The following MRAP2 variants were observed in gnomAD, a reference collection of about 807,000 sequenced individuals.
MRAP2 encodes melanocortin 2 receptor accessory protein 2.
In MRAP2, 20 loss-of-function variants were observed where a neutral mutation model predicts 17.4. The ratio of observed to expected loss-of-function variants is 1.15; its 90% confidence interval spans 0.81 to 1.67. The LOEUF (loss-of-function observed/expected upper bound fraction) is 1.67. MRAP2 is among the 40% of genes most tolerant of loss of function. The pLI, the probability that MRAP2 is intolerant of heterozygous loss-of-function variation, is 0.00. For synonymous variants in MRAP2, 96 were observed against 88.4 expected (o/e 1.09, Z -0.48); for missense variants, 238 against 240.0 (o/e 0.99, Z 0.05).
intron 3 of MRAP2, among the ~76,000 whole-genome samples, chr6:84,076,017 T>A (rs1425908461): frequency 6.6e-6 from 1 of 151,994 alleles, no homozygotes; most frequent in Non-Finnish European, 1.5e-5. Context: ...GGGTAGAAAA[T>A]CTATTTTATG....
Position 84,083,088 on chromosome 6 carries a change from G to A in MRAP2, c.228-6003G>A, listed in dbSNP as rs148134593. On this transcript the variant is annotated intron_variant, in intron 3 of 3. Coordinates refer to ENST00000257776, the MANE Select transcript of MRAP2 (RefSeq NM_138409.4). ...AAAAGAGTACAGAGACAGGACTTGCGTCAGAAATAAAGGCTTTCATGCCCC... is the reference window on the plus strand; with the variant it reads ...AAAAGAGTACAGAGACAGGACTTGCATCAGAAATAAAGGCTTTCATGCCCC... 2.6e-4 allele frequency among the ~76,000 whole-genome samples: 39 copies of A among 152,182 alleles called. No individual in the cohort carries two copies. The Middle Eastern group carries it at 0.01, about 40-fold the overall frequency.
intron 3 of MRAP2, among the ~76,000 whole-genome samples, chr6:84,075,325 C>T (rs936612867): frequency 6.6e-6 from 1 of 152,132 alleles, no homozygotes; most frequent in African/African-American, 2.4e-5. Flanking sequence ...TTGGTGAGCA[C>T]TGAGAAGGTA....
intron 1 of MRAP2, among the ~76,000 whole-genome samples, chr6:84,048,556 G>A (rs2099489610): frequency 6.6e-6 from 1 of 152,178 alleles, no homozygotes; most frequent in African/African-American, 2.4e-5. Context: ...TAGAAAAGGC[G>A]AGAGTTAAGC....
the MRAP2 span, among the ~76,000 whole-genome samples, chr6:84,098,120 T>C: frequency 6.6e-6 from 1 of 151,690 alleles, no homozygotes. Flanking sequence ...CTCCCTCCCA[T>C]CCCTTTCTCT....
chr6:84,054,946 G>T (rs2099491323), intron 1 of MRAP2, among the ~76,000 whole-genome samples: 1 of 152,180 alleles, frequency 6.6e-6, no homozygotes, highest in Non-Finnish European at 1.5e-5. Context: ...ACATACTCTT[G>T]CAGGTATAGG....
chr6:84,076,945 G>A (rs915504101), intron 3 of MRAP2, among the ~76,000 whole-genome samples: 9 of 152,300 alleles, frequency 5.9e-5, no homozygotes, highest in African/African-American at 2.2e-4. Context: ...CACAGAGGTA[G>A]GAGCACTTCA....
At chr6:84,071,322 CT>C (rs1383555228) in intron 3 of MRAP2, among the ~76,000 whole-genome samples, 1 of 152,076 alleles carries the variant, frequency 6.6e-6, no homozygotes, top group African/African-American at 2.4e-5. Flanking sequence ...AAGACTGTAT[CT>C]TTCCTTCATA....
the MRAP2 span, among the ~76,000 whole-genome samples, chr6:84,115,642 C>T: frequency 1.3e-5 from 2 of 152,154 alleles, no homozygotes; most frequent in Non-Finnish European, 2.9e-5. Context: ...AACACTCCTG[C>T]AGCTAGCTCA....
upstream of MRAP2, among the ~76,000 whole-genome samples, chr6:84,033,497 C>T (rs946343208): frequency 1.3e-5 from 2 of 152,228 alleles, no homozygotes; most frequent in African/African-American, 4.8e-5. Context: ...ATGAGCTCCT[C>T]CTGTTACCCA....
chr6:84,062,081 A>G, intron 2 of MRAP2: 1 of 985,466 alleles, frequency 1.0e-6, no homozygotes, highest in South Asian at 4.7e-5. Context: ...GAGAATGCAA[A>G]GTTGCTACCT....
At chr6:84,082,169 A>G (rs750478726) in intron 3 of MRAP2, among the ~76,000 whole-genome samples, 17 of 152,178 alleles carry the variant, frequency 1.1e-4, no homozygotes, top group East Asian at 3.8e-4. Flanking sequence ...TAGTAATTCT[A>G]TGGTAGAGAG....
chr6:84,075,135 G>A (rs2099497245), intron 3 of MRAP2, among the ~76,000 whole-genome samples: 1 of 152,152 alleles, frequency 6.6e-6, no homozygotes, highest in Non-Finnish European at 1.5e-5. Flanking sequence ...GGCCTCCTAG[G>A]TTGCTATGAC....
chr6:84,080,825 G>T (rs2497139), intron 3 of MRAP2, among the ~76,000 whole-genome samples: 14,271 of 152,162 alleles, frequency 0.094, 965 homozygotes, highest in African/African-American at 0.19. Flanking sequence ...ATGAACCTGG[G>T]CTTAAAGGCA....
chr6:84,033,735 G>C (rs1437596766), upstream of MRAP2: 1 of 985,256 alleles, frequency 1.0e-6, no homozygotes, highest in African/African-American at 1.7e-5. Context: ...TGCGGGTCGG[G>C]AGCGCGCGTC....
At chr6:84,033,760 G>A, upstream of MRAP2, 1 of 986,148 alleles carries the variant, frequency 1.0e-6, no homozygotes. Context: ...CCGCACCTCG[G>A]ATCTAGGAGC....
intron 1 of MRAP2, among the ~76,000 whole-genome samples, chr6:84,040,098 G>T (rs560354196): frequency 6.6e-6 from 1 of 152,264 alleles, no homozygotes; most frequent in Admixed American, 6.5e-5. Context: ...TCGTGGGAGG[G>T]ACCCACTGGG....
intron 1 of MRAP2, among the ~76,000 whole-genome samples, chr6:84,036,328 G>C (rs1446687829): frequency 6.6e-6 from 1 of 152,168 alleles, no homozygotes; most frequent in Non-Finnish European, 1.5e-5. Context: ...AGGCCTTGTT[G>C]AATAGATTTA....
intron 1 of MRAP2, among the ~76,000 whole-genome samples, chr6:84,041,420 T>G (rs2099487538): frequency 2.0e-5 from 3 of 152,242 alleles, no homozygotes; most frequent in Admixed American, 2.0e-4. Context: ...AGTGGGGCAC[T>G]GCCTAGTGGA....
the MRAP2 span, among the ~76,000 whole-genome samples, chr6:84,121,078 T>A: frequency 9.3e-3 from 994 of 106,734 alleles, 12 homozygotes; most frequent in African/African-American, 0.087. Context: ...TATTTTTTAA[T>A]TTTTTTTTTT....
Sources: gnomAD v4.1 joint callset for allele counts (sites outside exome capture counted in the v4.1 genomes callset) on GRCh38, gnomAD v4.1.1 for gene constraint, MANE v1.5 for transcripts, NCBI Gene and HGNC (gene_info 2026-07-23, HGNC 2026-07-21) for gene names.